Variants in TTPAL observed in about 807,000 individuals in gnomAD.
TTPAL encodes the protein alpha tocopherol transfer protein like.
In TTPAL, 21 loss-of-function variants were observed where a neutral mutation model predicts 28.7. That is an observed-to-expected ratio of 0.73 (90% CI 0.52 to 1.06). TTPAL has a LOEUF of 1.06. Ranked by LOEUF, TTPAL falls within the 50% of genes least tolerant of loss-of-function variation. The pLI is 0.00. For synonymous variants in TTPAL, 169 were observed against 171.9 expected (o/e 0.98, Z 0.13); for missense variants, 345 against 425.5 (o/e 0.81, Z 1.67).
intron 2 of TTPAL, among the ~76,000 whole-genome samples, chr20:44,482,719 A>T (rs2064117634): frequency 6.7e-6 from 1 of 149,138 alleles, no homozygotes; most frequent in Non-Finnish European, 1.5e-5. Flanking sequence ...GGGCATTCTC[A>T]TTTTTTTTTT....
rs537850113 is a variant in TTPAL at position 44,489,046 on chromosome 20, A to G, written c.751-217A>G. ...TGGTGGTGAGGCGGCTGGATCCTGG[A>G]TATATTCTGAAGCTCCAGCCAACAG... On this transcript the variant is annotated intron_variant, in intron 4 of 4. Transcript: ENST00000262605. Among the ~76,000 whole-genome samples the G allele has an allele frequency of 3.9e-5, 6 of 152,292 alleles. No homozygotes were observed. In the South Asian group the frequency reaches 8.3e-4, roughly 21 times the overall value.
Position 44,490,083 on chromosome 20 carries a change from G to A in TTPAL, c.*542G>A, listed in dbSNP as rs926480525. Reference sequence around the variant, plus strand: ...GATGAAGGCCCCAGCTGTTGTCACCGGGTTTGGAAAGCACCTTAACTGAAT... The same window carrying A: ...GATGAAGGCCCCAGCTGTTGTCACCAGGTTTGGAAAGCACCTTAACTGAAT... On this transcript the variant is annotated 3_prime_UTR_variant, in exon 5 of 5. Transcript: ENST00000262605. 3.2e-5 allele frequency: 5 copies of A among 157,152 alleles called. No homozygotes were observed. The highest frequency in any genetic ancestry group is 5.6e-5 in the Non-Finnish European group (4 of 70,888). 9.7% of individuals were successfully genotyped at this position (157,152 alleles called of 1,614,324 possible).
rs889909793 is a variant in TTPAL at position 44,492,689 on chromosome 20, TTCC to T, written c.*3151_*3153del. On this transcript the variant is annotated 3_prime_UTR_variant, in exon 5 of 5. Transcript: ENST00000262605. Reference sequence around the variant, plus strand: ...TACATTTCAGAATATGGGAATTTTCTTCCTCTTCTTCCCCCATATCCCAACATG... The same window carrying T: ...TACATTTCAGAATATGGGAATTTTCTTCTTCTTCCCCCATATCCCAACATG... 4 of 152,302 alleles carry T rather than the reference TTCC, an allele frequency of 2.6e-5. No homozygotes were observed. The highest frequency in any genetic ancestry group is 5.9e-5 in the Non-Finnish European group (4 of 68,038). 9.4% of individuals were successfully genotyped at this position (152,302 alleles called of 1,614,324 possible). A position where few individuals can be genotyped will look rare whatever the true frequency, so the allele number is the denominator to read the frequency against.
In TTPAL at chr20:44,484,537, C is replaced by CCCGT. The variant is rs777676285; in HGVS notation, c.639+8_639+11dup. 22 of 1,554,058 alleles carry CCCGT rather than the reference C, an allele frequency of 1.4e-5. No individual in the cohort carries two copies. The highest frequency in any genetic ancestry group is 1.9e-5 in the Non-Finnish European group (21 of 1,134,776). ...GGTGATTGGCATCCTCCAGGTAAGACCCGTATGTGTCCTGCCTGTTTCGTG... is the reference window on the plus strand; with the variant it reads ...GGTGATTGGCATCCTCCAGGTAAGACCCGTCCGTATGTGTCCTGCCTGTTTCGTG... On this transcript the variant is annotated splice_region_variant and intron_variant, in intron 3 of 4. Transcript: ENST00000262605.
At chr20:44,482,082 A>G (rs2064110491) in intron 2 of TTPAL, among the ~76,000 whole-genome samples, 1 of 152,236 alleles carries the variant, frequency 6.6e-6, no homozygotes, top group Admixed American at 6.5e-5. Context: ...AGGAAGAGGC[A>G]TACACAGAAA....
intron 4 of TTPAL, among the ~76,000 whole-genome samples, chr20:44,488,541 G>A (rs1298720648): frequency 6.6e-6 from 1 of 152,138 alleles, no homozygotes; most frequent in Non-Finnish European, 1.5e-5. Flanking sequence ...TTAGAATGTG[G>A]TAAGTGCTAC....
intron 2 of TTPAL, among the ~76,000 whole-genome samples, chr20:44,482,827 C>A (rs958360774): frequency 3.3e-5 from 5 of 151,986 alleles, no homozygotes; most frequent in Non-Finnish European, 7.4e-5. Context: ...TCCATCCTTA[C>A]AATACCTCCG....
At chr20:44,487,961 CT>C (rs1397744357) in intron 4 of TTPAL, among the ~76,000 whole-genome samples, 7 of 152,156 alleles carry the variant, frequency 4.6e-5, no homozygotes, top group African/African-American at 1.4e-4. Context: ...TAGAGATAGG[CT>C]TTTACCATGT....
chr20:44,494,109 T>C lies in TTPAL; in HGVS notation c.*4568T>C, dbSNP rs911811569. 1.3e-5 allele frequency: 2 copies of C among 152,254 alleles called. No individual in the cohort carries two copies. Among genetic ancestry groups the C allele is most frequent in the Non-Finnish European group, 2.9e-5 (2 of 68,026 alleles). The allele number at this position is 152,254 out of a possible 1,614,324, so 9.4% of individuals were successfully genotyped here. On this transcript the variant is annotated 3_prime_UTR_variant, in exon 5 of 5. Transcript: ENST00000262605. ...TTGCTTAAAATGCTAGTAACAAACATCACAGTCAACAGGAGCTTGCTTCAT... is the reference window on the plus strand; with the variant it reads ...TTGCTTAAAATGCTAGTAACAAACACCACAGTCAACAGGAGCTTGCTTCAT...
chr20:44,489,012 T>G, intron 4 of TTPAL, among the ~76,000 whole-genome samples: 1 of 152,128 alleles, frequency 6.6e-6, no homozygotes, highest in Admixed American at 6.6e-5. Flanking sequence ...TGCCATTAAT[T>G]GAATAGTGTG....
intron 4 of TTPAL, among the ~76,000 whole-genome samples, chr20:44,488,497 T>C (rs1224441545): frequency 1.3e-5 from 2 of 152,200 alleles, no homozygotes; most frequent in Non-Finnish European, 2.9e-5. Flanking sequence ...AGGAAAATTA[T>C]ATTCTAAAGG....
intron 1 of TTPAL, 118 bp from the exon 2 acceptor site, chr20:44,479,867 G>A: frequency 1.2e-6 from 1 of 850,320 alleles, no homozygotes; most frequent in Non-Finnish European, 1.8e-6. Context: ...CCCCAGTTGA[G>A]AAACACTGCC....
Position 44,489,662 on chromosome 20 carries a change from A to C in TTPAL, c.*121A>C. On this transcript the variant is annotated 3_prime_UTR_variant, in exon 5 of 5. Transcript: ENST00000262605. ...TTGTAATTAAACTGCAGGATGGAGG[A>C]ACAGCCTGAGATATGAGCATGAGCC... 1 of 1,143,288 alleles carries C rather than the reference A, an allele frequency of 8.7e-7. No individual in the cohort carries two copies. Among genetic ancestry groups the C allele is most frequent in the Non-Finnish European group, 1.2e-6 (1 of 829,514 alleles). The allele number at this position is 1,143,288 out of a possible 1,614,324, so 70.8% of individuals were successfully genotyped here.
chr20:44,482,453 A>G (rs2064114632), intron 2 of TTPAL, among the ~76,000 whole-genome samples: 1 of 151,038 alleles, frequency 6.6e-6, no homozygotes, highest in Non-Finnish European at 1.5e-5. Flanking sequence ...CATGCCTGTA[A>G]TCCCAACTAC....
Position 44,491,718 on chromosome 20 carries a change from A to C in TTPAL, c.*2177A>C, listed in dbSNP as rs2064207666. 2 of 152,386 alleles carry C rather than the reference A, an allele frequency of 1.3e-5. No individual in the cohort carries two copies. Among genetic ancestry groups the C allele is most frequent in the Admixed American group, 1.3e-4 (2 of 15,276 alleles). The allele number at this position is 152,386 out of a possible 1,614,324, so 9.4% of individuals were successfully genotyped here. Reference sequence around the variant, plus strand: ...CTGCTGAAAAGGCCCAAGCAGGGCAAGTGGGATGGCTGAAGGAGGGAAGGA... The same window carrying C: ...CTGCTGAAAAGGCCCAAGCAGGGCACGTGGGATGGCTGAAGGAGGGAAGGA... On this transcript the variant is annotated 3_prime_UTR_variant, in exon 5 of 5. Coordinates refer to ENST00000262605, the MANE Select transcript of TTPAL (RefSeq NM_001039199.3).
At position 44,484,482 on chromosome 20, in the gene TTPAL, A is replaced by T. The variant is rs1455690693; in HGVS notation, c.591A>T (p.Ala197=). The T allele has an allele frequency of 6.3e-7, 1 of 1,591,554 alleles. No individual in the cohort carries two copies. Among genetic ancestry groups the T allele is most frequent in the East Asian group, 2.3e-5 (1 of 44,376 alleles). ...ACAAAGGAGTGAGTTTATCAAAAGC[A>T]TCTCACTTTGGCCCTTTTATAGCCA... ...ADYKGVSLSK[A]SHFGPFIAKK... Residue 197 remains alanine (A), a synonymous_variant, in exon 3 of 5, where the codon GCA becomes GCT. Coordinates refer to ENST00000262605, the MANE Select transcript of TTPAL (RefSeq NM_001039199.3).
intron 2 of TTPAL, among the ~76,000 whole-genome samples, chr20:44,481,154 T>C (rs963788073): frequency 6.6e-6 from 1 of 152,222 alleles, no homozygotes; most frequent in Admixed American, 6.5e-5. Flanking sequence ...GATTTGTTTT[T>C]TGATCTTAGC....
At chr20:44,478,318 AGG>A (rs927774301) in intron 1 of TTPAL, among the ~76,000 whole-genome samples, 43 of 152,352 alleles carry the variant, frequency 2.8e-4, no homozygotes, top group African/African-American at 1.0e-3. Context: ...CTCTGACTGC[AGG>A]GCAGTCCCAA....
chr20:44,478,221 G>C (rs1237529451), intron 1 of TTPAL, among the ~76,000 whole-genome samples: 2 of 152,232 alleles, frequency 1.3e-5, no homozygotes, highest in African/African-American at 4.8e-5. Context: ...GCGAAGGACA[G>C]CACCTGGGAA....
Sources: gnomAD v4.1 joint callset for allele counts (sites outside exome capture counted in the v4.1 genomes callset) on GRCh38, gnomAD v4.1.1 for gene constraint, MANE v1.5 for transcripts, NCBI Gene and HGNC (gene_info 2026-07-23, HGNC 2026-07-21) for gene names.